Variants in SEL1L observed in about 807,000 individuals in gnomAD.
The protein encoded by SEL1L is SEL1L adaptor subunit of SYVN1 ubiquitin ligase, also known as protein sel-1 homolog 1.
A neutral mutation model predicts 109.8 loss-of-function variants in SEL1L; 52 were observed. That is an observed-to-expected ratio of 0.47 (90% CI 0.38 to 0.60). The LOEUF (loss-of-function observed/expected upper bound fraction) is 0.60. Ranked by LOEUF, SEL1L falls within the 20% of genes least tolerant of loss-of-function variation. SEL1L has a pLI of 0.00. For missense variants in SEL1L, 749 were observed against 962.2 expected (o/e 0.78, Z 2.93); for synonymous variants, 373 against 339.6 (o/e 1.10, Z -1.08).
At chr14:81,521,344 T>C (rs1595533991) in intron 3 of SEL1L, among the ~76,000 whole-genome samples, 1 of 152,138 alleles carries the variant, frequency 6.6e-6, no homozygotes, top group Admixed American at 6.5e-5. Context: ...GACATCCTTG[T>C]TCTGCCTGGA....
intron 3 of SEL1L, among the ~76,000 whole-genome samples, chr14:81,526,008 T>C (rs1456846586): frequency 6.6e-6 from 1 of 152,082 alleles, no homozygotes; most frequent in Non-Finnish European, 1.5e-5. Flanking sequence ...GGTATATTTG[T>C]AGTAAAAAAA....
At chr14:81,512,552 A>G (rs1429669122) in intron 3 of SEL1L, among the ~76,000 whole-genome samples, 1 of 152,204 alleles carries the variant, frequency 6.6e-6, no homozygotes, top group Non-Finnish European at 1.5e-5. Flanking sequence ...AGCCACTATC[A>G]GATTTGACCA....
intron 10 of SEL1L, among the ~76,000 whole-genome samples, chr14:81,496,560 G>A (rs112737088): frequency 8.1e-4 from 123 of 152,130 alleles, no homozygotes; most frequent in African/African-American, 2.9e-3. Flanking sequence ...CCAACATGGT[G>A]AAACTCCATC....
At chr14:81,481,452 T>C (rs1282949889) in intron 19 of SEL1L, among the ~76,000 whole-genome samples, 1 of 152,222 alleles carries the variant, frequency 6.6e-6, no homozygotes, top group Non-Finnish European at 1.5e-5. Flanking sequence ...GTGTCTGAGT[T>C]TTTAGAAAAA....
At chr14:81,494,532 T>C (rs1460626190) in intron 11 of SEL1L, among the ~76,000 whole-genome samples, 2 of 152,236 alleles carry the variant, frequency 1.3e-5, no homozygotes, top group African/African-American at 4.8e-5. Context: ...ATCTCAGTTC[T>C]GTTTCATGTA....
At chr14:81,501,991 T>C (rs995991350) in intron 6 of SEL1L, among the ~76,000 whole-genome samples, 6 of 151,268 alleles carry the variant, frequency 4.0e-5, no homozygotes, top group African/African-American at 9.7e-5. Context: ...AAAAAAGGCA[T>C]TGGGGTATAC....
At position 81,477,049 on chromosome 14, in the gene SEL1L, G is replaced by A; in HGVS notation, c.2308C>T (p.Pro770Ser). The change falls in exon 21 of 21, where the codon CCT becomes TCT. Residue 770 changes from proline (P) to serine (S), a missense_variant. Pro to Ser is a moderately conservative substitution (Grantham distance 74). This residue lies in a region of SEL1L where 383 missense variants were observed against 562.5 expected (regional missense o/e 0.68). Coordinates refer to ENST00000336735, the MANE Select transcript of SEL1L (RefSeq NM_005065.6). ...CGTGGCCCTGGAGGCCTGGGTGCAGGCATGTCTTGGTGCTGCCTTTGCCTG... is the reference window on the plus strand; with the variant it reads ...CGTGGCCCTGGAGGCCTGGGTGCAGACATGTCTTGGTGCTGCCTTTGCCTG... ...AYRQRQHQDM[P>S]APRPPGPRPA... 6.2e-7 allele frequency: 1 copy of A among 1,614,222 alleles called. No individual in the cohort carries two copies. Among genetic ancestry groups the A allele is most frequent in the Non-Finnish European group, 8.5e-7 (1 of 1,180,052 alleles).
intron 12 of SEL1L, among the ~76,000 whole-genome samples, chr14:81,491,126 T>C (rs538432007): frequency 2.0e-5 from 3 of 152,318 alleles, no homozygotes; most frequent in Admixed American, 1.3e-4. Flanking sequence ...GTAAGTTGCT[T>C]AGGATCAGAT....
At chr14:81,522,002 A>G (rs1357597188) in intron 3 of SEL1L, among the ~76,000 whole-genome samples, 1 of 152,194 alleles carries the variant, frequency 6.6e-6, no homozygotes, top group Non-Finnish European at 1.5e-5. Context: ...AGTTTTTAAC[A>G]AAAACGTTTA....
chr14:81,510,512 C>G (rs60996961), intron 3 of SEL1L, among the ~76,000 whole-genome samples: 2,472 of 106,726 alleles, frequency 0.023, 89 homozygotes, highest in African/African-American at 0.08. Context: ...CTCTCTCTCT[C>G]TCTATATATA....
At position 81,497,683 on chromosome 14, in the gene SEL1L, C is replaced by T. The variant is rs138686006; in HGVS notation, c.1128+209G>A. Among the ~76,000 whole-genome samples the T allele has an allele frequency of 2.2e-4, 33 of 151,924 alleles. No homozygotes were observed. In the South Asian group the frequency reaches 4.2e-3, roughly 19 times the overall value. On this transcript the variant is annotated intron_variant, in intron 10 of 20. Coordinates refer to ENST00000336735, the MANE Select transcript of SEL1L (RefSeq NM_005065.6). The stretch of plus-strand genomic sequence containing the variant: ...TTTTAGGAACCCTCAATGCCTAGGC[C>T]CCATCCCACACTAACCCAAATGGAA...
chr14:81,529,211 C>A (rs1885234809), intron 1 of SEL1L, among the ~76,000 whole-genome samples: 2 of 152,124 alleles, frequency 1.3e-5, no homozygotes, highest in Admixed American at 6.5e-5. Flanking sequence ...ACAAGTATTA[C>A]CCAAAGCCCA....
chr14:81,493,968 G>T (rs1237245829), intron 11 of SEL1L, among the ~76,000 whole-genome samples: 1 of 151,796 alleles, frequency 6.6e-6, no homozygotes, highest in Non-Finnish European at 1.5e-5. Flanking sequence ...AGTTCTTCAG[G>T]GCTCAGTTTT....
intron 1 of SEL1L, among the ~76,000 whole-genome samples, chr14:81,532,960 G>C (rs918513287): frequency 9.2e-5 from 14 of 152,230 alleles, no homozygotes; most frequent in Non-Finnish European, 1.9e-4. Flanking sequence ...GAAAAAAGCA[G>C]AACCAGAATA....
chr14:81,477,537 C>T (rs1386698542), intron 20 of SEL1L, among the ~76,000 whole-genome samples: 1 of 152,034 alleles, frequency 6.6e-6, no homozygotes, highest in African/African-American at 2.4e-5. Flanking sequence ...TGGGGCCAGG[C>T]GCGGGGGCTC....
At chr14:81,496,500 A>G (rs890379779) in intron 10 of SEL1L, among the ~76,000 whole-genome samples, 2 of 152,092 alleles carry the variant, frequency 1.3e-5, no homozygotes, top group African/African-American at 4.8e-5. Context: ...AGCCTTTGGG[A>G]GGCTGAGGTG....
intron 3 of SEL1L, among the ~76,000 whole-genome samples, chr14:81,512,597 G>A (rs1264072835): frequency 6.6e-6 from 1 of 152,234 alleles, no homozygotes; most frequent in Non-Finnish European, 1.5e-5. Context: ...CCAGTCTACT[G>A]AGGAGCTGAA....
intron 5 of SEL1L, 42 bp from the exon 6 acceptor site, chr14:81,502,925 G>T (rs1431724640): frequency 6.6e-7 from 1 of 1,515,998 alleles, no homozygotes; most frequent in Middle Eastern, 1.8e-4. Context: ...GTAATGTTTT[G>T]AAACTGCCAT....
rs78926276 is a variant in SEL1L, at chr14:81,527,472, C to T, written c.108+229G>A. On this transcript the variant is annotated intron_variant, in intron 2 of 20. Coordinates refer to ENST00000336735, the MANE Select transcript of SEL1L (RefSeq NM_005065.6). Reference sequence around the variant, plus strand: ...ACACACACACACACACACACACACACAGAGCACATTCAAGTTGAAATGAAA... The same window carrying T: ...ACACACACACACACACACACACACATAGAGCACATTCAAGTTGAAATGAAA... Among the ~76,000 whole-genome samples the T allele has an allele frequency of 0.033, 4,797 of 146,910 alleles. 109 individuals carry two copies. The highest frequency in any genetic ancestry group is 0.049 in the Non-Finnish European group (3,250 of 65,950).
Sources: gnomAD v4.1 joint callset for allele counts (sites outside exome capture counted in the v4.1 genomes callset) on GRCh38, gnomAD v4.1.1 for gene constraint, gnomAD v4.1.1 regional missense constraint, MANE v1.5 for transcripts, NCBI Gene and HGNC (gene_info 2026-07-23, HGNC 2026-07-21) for gene names.